ATP6V0A4: variants seen among roughly 807,000 people sequenced by gnomAD.
The protein encoded by ATP6V0A4 is V-type proton ATPase 116 kDa subunit a 4.
A neutral mutation model predicts 107.3 loss-of-function variants in ATP6V0A4; 86 were observed. The observed-to-expected ratio is 0.80, with a 90% confidence interval of 0.67 to 0.96. The LOEUF (loss-of-function observed/expected upper bound fraction) is 0.96. ATP6V0A4 is among the 40% of genes least tolerant of loss of function. The pLI is 0.00. For missense variants in ATP6V0A4, 908 were observed against 1,045.6 expected (o/e 0.87, Z 1.81); for synonymous variants, 353 against 381.4 (o/e 0.93, Z 0.87).
intron 1 of ATP6V0A4, among the ~76,000 whole-genome samples, chr7:138,796,282 G>A (rs1808656916): frequency 6.6e-6 from 1 of 151,816 alleles, no homozygotes; most frequent in South Asian, 2.1e-4. Flanking sequence ...TGCCTAAACT[G>A]GACTTCTGTG....
At chr7:138,775,334 C>T (rs1281039312) in intron 2 of ATP6V0A4, among the ~76,000 whole-genome samples, 1 of 152,062 alleles carries the variant, frequency 6.6e-6, no homozygotes, top group African/African-American at 2.4e-5. Context: ...CAAAATATTC[C>T]AGCAGGTATC....
At chr7:138,728,924 G>A in intron 17 of ATP6V0A4, 62 bp from the exon 18 acceptor site, 1 of 1,612,182 alleles carries the variant, frequency 6.2e-7, no homozygotes, top group South Asian at 1.1e-5. Context: ...CACTTTACGT[G>A]ATGAAAATGA....
chr7:138,718,579 T>TTC (rs1804249115), intron 19 of ATP6V0A4, among the ~76,000 whole-genome samples: 1 of 43,484 alleles, frequency 2.3e-5, no homozygotes, highest in African/African-American at 1.1e-4. Flanking sequence ...CGGAGAGGCA[T>TTC]GGGGCGGAAT....
chr7:138,757,352 C>T (rs900665288), intron 8 of ATP6V0A4, among the ~76,000 whole-genome samples: 3 of 152,042 alleles, frequency 2.0e-5, no homozygotes, highest in African/African-American at 4.8e-5. Context: ...CCCATCTCTA[C>T]AAAAAATACA....
chr7:138,782,969 G>A (rs1807990006), intron 2 of ATP6V0A4, among the ~76,000 whole-genome samples: 3 of 152,138 alleles, frequency 2.0e-5, no homozygotes, highest in Admixed American at 6.6e-5. Context: ...CAGCTACTCG[G>A]GAGGCTGAGG....
chr7:138,722,847 C>T (rs547917390), intron 18 of ATP6V0A4, among the ~76,000 whole-genome samples: 8 of 149,876 alleles, frequency 5.3e-5, no homozygotes, highest in Non-Finnish European at 1.0e-4. Context: ...TTGCCTGAGG[C>T]CAAGAGTTCA....
At chr7:138,770,984 A>G (rs2117337307) in intron 3 of ATP6V0A4, 147 bp downstream of exon 3, 2 of 880,758 alleles carry the variant, frequency 2.3e-6, no homozygotes. Flanking sequence ...CCTAGCCAGA[A>G]GCACTAAAAC....
rs193076837 is a variant in ATP6V0A4, at chr7:138,735,542, C to T, written c.1573-1288G>A. Among the ~76,000 whole-genome samples the T allele has an allele frequency of 1.6e-3, 237 of 152,318 alleles. 1 individual carries two copies. The highest frequency in any genetic ancestry group is 0.013 in the Admixed American group (197 of 15,296). On this transcript the variant is annotated intron_variant, in intron 15 of 21. Transcript: ENST00000310018. Reference sequence around the variant, plus strand: ...CAGGTGCTAATTTGCACTGATCCTTCCTTTGCAATGTCCTGAGCCAGGCCA... The same window carrying T: ...CAGGTGCTAATTTGCACTGATCCTTTCTTTGCAATGTCCTGAGCCAGGCCA...
At chr7:138,774,824 A>C (rs1807583801) in intron 2 of ATP6V0A4, among the ~76,000 whole-genome samples, 1 of 152,064 alleles carries the variant, frequency 6.6e-6, no homozygotes. Flanking sequence ...CTTTCAAAGG[A>C]AAATAGAAGA....
rs541599456 is a variant in ATP6V0A4 at position 138,747,950 on chromosome 7, C to T, written c.1181-386G>A. On this transcript the variant is annotated intron_variant, in intron 12 of 21. Transcript: ENST00000310018. ...TTAAAATTTTCTATAGAGATGAGGT[C>T]TCGCTATATTGCCCGGGCTGGTCTC... Among the ~76,000 whole-genome samples the T allele has an allele frequency of 1.1e-4, 17 of 152,002 alleles. No homozygotes were observed. In the East Asian group the frequency reaches 2.9e-3, roughly 26 times the overall value.
intron 7 of ATP6V0A4, among the ~76,000 whole-genome samples, chr7:138,760,664 G>A (rs1450584124): frequency 3.9e-5 from 6 of 152,002 alleles, no homozygotes; most frequent in African/African-American, 1.2e-4. Flanking sequence ...GACTTTCACT[G>A]GCTTATTACT....
intron 2 of ATP6V0A4, among the ~76,000 whole-genome samples, chr7:138,777,802 C>A (rs76268650): frequency 0.062 from 9,406 of 152,044 alleles, 1,007 homozygotes; most frequent in African/African-American, 0.22. Context: ...GAAGATAGAC[C>A]CTCTGAGAAT....
At chr7:138,784,810 G>A (rs757747049) in intron 2 of ATP6V0A4, among the ~76,000 whole-genome samples, 9 of 152,080 alleles carry the variant, frequency 5.9e-5, no homozygotes, top group Non-Finnish European at 1.0e-4. Context: ...ACAAGTCTGG[G>A]GCACACTGCC....
chr7:138,733,449 T>C (rs985104539), intron 16 of ATP6V0A4, among the ~76,000 whole-genome samples: 8 of 151,856 alleles, frequency 5.3e-5, no homozygotes, highest in Non-Finnish European at 1.2e-4. Flanking sequence ...AGAGGATATA[T>C]AATGGGGACC....
rs1394471715 is a variant in ATP6V0A4 at position 138,769,172 on chromosome 7, C to T, written c.196+1G>A. ...GAAAAAAAAAAAAAAAATTGGCTTA[C>T]GGAGGATTCTCTCCAGTGATTCACA... On this transcript the variant is annotated splice_donor_variant, in intron 4 of 21. Coordinates refer to ENST00000310018, the MANE Select transcript of ATP6V0A4 (RefSeq NM_020632.3). LOFTEE classifies it high-confidence loss of function. 10 of 1,608,026 alleles carry T rather than the reference C, an allele frequency of 6.2e-6. No homozygotes were observed. Among genetic ancestry groups the T allele is most frequent in the African/African-American group, 2.7e-5 (2 of 74,656 alleles).
chr7:138,776,278 AACCTGGGGCAGT>A (rs1807654137), intron 2 of ATP6V0A4, among the ~76,000 whole-genome samples: 2 of 152,198 alleles, frequency 1.3e-5, no homozygotes, highest in Non-Finnish European at 2.9e-5. Flanking sequence ...AGCGATTGTG[AACCTGGGGCAGT>A]GGAGGCCCAG....
intron 14 of ATP6V0A4, among the ~76,000 whole-genome samples, chr7:138,744,109 G>C (rs901891026): frequency 6.6e-6 from 1 of 152,142 alleles, no homozygotes; most frequent in Non-Finnish European, 1.5e-5. Flanking sequence ...TGGGGATTTA[G>C]AGAGCTTCCA....
intron 13 of ATP6V0A4, among the ~76,000 whole-genome samples, chr7:138,746,667 C>A (rs1171828649): frequency 6.6e-6 from 1 of 152,106 alleles, no homozygotes; most frequent in African/African-American, 2.4e-5. Flanking sequence ...CCATGCCTGG[C>A]TAATTTTTGT....
chr7:138,739,505 C>G lies in ATP6V0A4; in HGVS notation c.1572+35G>C, dbSNP rs769194984. ...CCAGAGGTCTCCTCAAGATAGTTCACATAAGAAATATTTAACCCAAGAAGA... is the reference window on the plus strand; with the variant it reads ...CCAGAGGTCTCCTCAAGATAGTTCAGATAAGAAATATTTAACCCAAGAAGA... On this transcript the variant is annotated intron_variant, in intron 15 of 21. Transcript: ENST00000310018. The G allele has an allele frequency of 5.0e-6, 8 of 1,611,434 alleles. No homozygotes were observed. In the East Asian group the frequency reaches 1.8e-4, roughly 36 times the overall value.
Sources: allele counts gnomAD v4.1 joint callset (sites outside exome capture counted in the v4.1 genomes callset), GRCh38; gene constraint gnomAD v4.1.1; transcripts MANE v1.5; gene names NCBI Gene and HGNC (gene_info 2026-07-23, HGNC 2026-07-21).